Variants in KIT observed in about 807,000 individuals in gnomAD.
KIT encodes the protein KIT proto-oncogene, receptor tyrosine kinase.
In KIT, 16 loss-of-function variants were observed where a neutral mutation model predicts 105.7. That is an observed-to-expected ratio of 0.15 (90% CI 0.10 to 0.23). The LOEUF is 0.23. Among genes scored for constraint, KIT ranks in the 10% least tolerant of loss-of-function variants. The pLI is 1.00. For synonymous variants in KIT, 438 were observed against 441.1 expected, an observed-to-expected ratio of 0.99 and a Z score of 0.09; for missense variants, 858 against 1,213.8, an observed-to-expected ratio of 0.71 and a Z score of 4.36.
intron 1 of KIT, among the ~76,000 whole-genome samples, chr4:54,685,363 C>G (rs1353871759): frequency 1.3e-5 from 2 of 152,174 alleles, no homozygotes; most frequent in African/African-American, 4.8e-5. Context: ...TATTGGCACC[C>G]CATCTCCCCA....
Position 54,738,941 on chromosome 4 carries a change from A to C in KIT, c.*384A>C. 1 of 556,022 alleles carries C rather than the reference A, an allele frequency of 1.8e-6. No individual in the cohort carries two copies. Among genetic ancestry groups the C allele is most frequent in the Non-Finnish European group, 3.2e-6 (1 of 316,706 alleles). The allele number at this position is 556,022 out of a possible 1,614,324, so 34.4% of individuals were successfully genotyped here. A position where few individuals can be genotyped will look rare whatever the true frequency, so the allele number is the denominator to read the frequency against. On this transcript the variant is annotated 3_prime_UTR_variant, in exon 21 of 21. Transcript: ENST00000288135. ...ACAGTTGGCCTTCAGAACCATCCAT[A>C]GTAGTATGATGATACAAGATTAGAA... is the stretch of plus-strand genomic sequence containing the variant.
Position 54,723,674 on chromosome 4 carries a change from A to C in KIT, c.1322A>C (p.Tyr441Ser). Reference protein sequence around the residue: ...AGFPEPTIDWYFCPGTEQRCS... With the variant: ...AGFPEPTIDWSFCPGTEQRCS... ...TTCCCAGAGCCCACAATAGATTGGT[A>C]TTTTTGTCCAGGAACTGAGCAGAGG... Residue 441 changes from tyrosine (Y) to serine (S), a missense_variant, in exon 8 of 21, where the codon TAT (tyrosine) becomes TCT (serine). Tyr to Ser is a moderately radical substitution (Grantham distance 144). This residue lies in a region of KIT where 401 missense variants were observed against 601.0 expected (regional missense o/e 0.67). Coordinates refer to ENST00000288135, the MANE Select transcript of KIT (RefSeq NM_000222.3). 1 of 1,613,064 alleles carries C rather than the reference A, an allele frequency of 6.2e-7. No homozygotes were observed. The highest frequency in any genetic ancestry group is 8.5e-7 in the Non-Finnish European group (1 of 1,179,114).
chr4:54,696,285 A>G (rs563930186), intron 2 of KIT, among the ~76,000 whole-genome samples: 1 of 152,338 alleles, frequency 6.6e-6, no homozygotes, highest in South Asian at 2.1e-4. Flanking sequence ...TGTCCATAGA[A>G]AAAAATGTGA....
At chr4:54,687,866 C>G (rs1169728571) in intron 1 of KIT, among the ~76,000 whole-genome samples, 1 of 152,184 alleles carries the variant, frequency 6.6e-6, no homozygotes, top group African/African-American at 2.4e-5. Flanking sequence ...CGTGTGTCAC[C>G]TCTTGATGTT....
At position 54,738,451 on chromosome 4, in the gene KIT, G is replaced by T; in HGVS notation, c.2825G>T (p.Cys942Phe). 1.2e-6 allele frequency: 2 copies of T among 1,613,998 alleles called. No individual in the cohort carries two copies. The highest frequency in any genetic ancestry group is 1.1e-5 in the South Asian group (1 of 91,072). Residue 942 changes from cysteine to phenylalanine, a missense_variant, in exon 21 of 21, where the codon TGC becomes TTC. Around this residue, in one of 7 missense-constraint regions of KIT, gnomAD observed 105 missense variants for 103.5 expected, o/e 1.01. Transcript: ENST00000288135. ...CAGATTTACTCCAACTTAGCAAACT[G>T]CAGCCCCAACCGACAGAAGCCCGTG... ...TNHIYSNLAN[C>F]SPNRQKPVVD...
At chr4:54,713,061 A>ATT (rs146978855) in intron 7 of KIT, among the ~76,000 whole-genome samples, 5 of 151,396 alleles carry the variant, frequency 3.3e-5, no homozygotes, top group Admixed American at 6.6e-5. Context: ...TGATTTGTTG[A>ATT]TTTTTTTTAA....
rs1374100918 is a variant in KIT, at chr4:54,728,083, T to G, written c.1952T>G (p.Met651Arg). 1.2e-6 allele frequency: 2 copies of G among 1,613,644 alleles called. No individual in the cohort carries two copies. The highest frequency in any genetic ancestry group is 1.7e-6 in the Non-Finnish European group (2 of 1,179,582). Residue 651 changes from methionine to arginine, a missense_variant, in exon 13 of 21, where the codon ATG becomes AGG. Transcript: ENST00000288135. Reference sequence around the variant, plus strand: ...GTCCTGAGTTACCTTGGTAATCACATGAATATTGTGAATCTACTTGGAGCC... The same window carrying G: ...GTCCTGAGTTACCTTGGTAATCACAGGAATATTGTGAATCTACTTGGAGCC... ...LKVLSYLGNHMNIVNLLGACT... is the reference protein window; with the variant it reads ...LKVLSYLGNHRNIVNLLGACT...
At chr4:54,727,369 G>A (rs2109775044) in intron 10 of KIT, 45 bp downstream of exon 10, 1 of 1,613,894 alleles carries the variant, frequency 6.2e-7, no homozygotes, top group African/African-American at 1.3e-5. Context: ...TAATGACTGA[G>A]ACAATAATTA....
In KIT at chr4:54,738,532, C is replaced by T. The variant is rs1560426544; in HGVS notation, c.2906C>T (p.Pro969Leu). ...GGCAGCACCGCTTCCTCCTCCCAGCCTCTGCTTGTGCACGACGATGTCTGA... is the reference window on the plus strand; with the variant it reads ...GGCAGCACCGCTTCCTCCTCCCAGCTTCTGCTTGTGCACGACGATGTCTGA... ...SVGSTASSSQ[P>L]LLVHDDV Residue 969 changes from proline to leucine, a missense_variant, in exon 21 of 21, where the codon CCT becomes CTT. By Grantham distance (98) the Pro-to-Leu change is moderately conservative. Around this residue, in one of 7 missense-constraint regions of KIT, gnomAD observed 105 missense variants for 103.5 expected, o/e 1.01. Transcript: ENST00000288135. The T allele has an allele frequency of 6.2e-7, 1 of 1,614,126 alleles. No individual in the cohort carries two copies. Among genetic ancestry groups the T allele is most frequent in the Admixed American group, 1.7e-5 (1 of 60,028 alleles).
Position 54,715,971 on chromosome 4 carries a change from A to G in KIT, c.1231+6432A>G, listed in dbSNP as rs151217530. 6.4e-3 allele frequency among the ~76,000 whole-genome samples: 973 copies of G among 152,250 alleles called. 13 individuals are homozygous for G. Among genetic ancestry groups the G allele is most frequent in the African/African-American group, 0.022 (921 of 41,558 alleles). On this transcript the variant is annotated intron_variant, in intron 7 of 20. Coordinates refer to ENST00000288135, the MANE Select transcript of KIT (RefSeq NM_000222.3). The stretch of plus-strand genomic sequence containing the variant: ...ACAGAGCAAAGTTACTAGAACTTCA[A>G]CTTTTTTGGAAGATGGCAATGTCTT...
Position 54,699,705 on chromosome 4 carries a change from C to T in KIT, c.695C>T (p.Thr232Met), listed in dbSNP as rs767174569. ...AGGGAAGGGGAAGAATTCACAGTGACGTGCACAATAAAAGATGTGTCTAGT... is the reference window on the plus strand; with the variant it reads ...AGGGAAGGGGAAGAATTCACAGTGATGTGCACAATAAAAGATGTGTCTAGT... ...LLREGEEFTV[T>M]CTIKDVSSSV... The change falls in exon 4 of 21, where the codon ACG becomes ATG. Residue 232 changes from threonine (T) to methionine (M), a missense_variant. By Grantham distance (81) the Thr-to-Met change is moderately conservative. Coordinates refer to ENST00000288135, the MANE Select transcript of KIT (RefSeq NM_000222.3). 2.0e-5 allele frequency: 33 copies of T among 1,613,694 alleles called. No homozygotes were observed. In the South Asian group the frequency reaches 2.4e-4, roughly 12 times the overall value.
intron 20 of KIT, among the ~76,000 whole-genome samples, chr4:54,737,965 T>G (rs548031944): frequency 6.6e-6 from 1 of 152,328 alleles, no homozygotes; most frequent in South Asian, 2.1e-4. Flanking sequence ...ACTGATAATT[T>G]TTGGGTTAAA....
At chr4:54,694,794 A>G (rs1719942513) in intron 1 of KIT, among the ~76,000 whole-genome samples, 2 of 152,206 alleles carry the variant, frequency 1.3e-5, no homozygotes, top group Non-Finnish European at 2.9e-5. Context: ...ATGAATAGGT[A>G]TTTGAATACA....
intron 6 of KIT, among the ~76,000 whole-genome samples, chr4:54,708,128 G>A (rs1720907197): frequency 6.6e-6 from 1 of 152,168 alleles, no homozygotes; most frequent in South Asian, 2.1e-4. Flanking sequence ...AGGAGTTGAA[G>A]ATGCCTTTAG....
chr4:54,685,124 C>T (rs753908415), intron 1 of KIT, among the ~76,000 whole-genome samples: 14 of 152,202 alleles, frequency 9.2e-5, no homozygotes, highest in Non-Finnish European at 1.6e-4. Flanking sequence ...TCATCTCTAT[C>T]CTACTTCAGC....
rs1002411463 is a variant in KIT at position 54,739,003 on chromosome 4, A to C, written c.*446A>C. The C allele has an allele frequency of 2.0e-6, 1 of 496,030 alleles. No individual in the cohort carries two copies. Among genetic ancestry groups the C allele is most frequent in the Non-Finnish European group, 3.5e-6 (1 of 284,790 alleles). 30.7% of individuals were successfully genotyped at this position (496,030 alleles called of 1,614,324 possible). On this transcript the variant is annotated 3_prime_UTR_variant, in exon 21 of 21. Coordinates refer to ENST00000288135, the MANE Select transcript of KIT (RefSeq NM_000222.3). The stretch of plus-strand genomic sequence containing the variant: ...AAGTCCTTTATGTGGAAAACAGAAC[A>C]TCATTAGAACAAAGGACAGAGTATG...
Position 54,731,346 on chromosome 4 carries a change from G to A in KIT, c.2160G>A (p.Glu720=), listed in dbSNP as rs372359131. 24 of 1,613,004 alleles carry A rather than the reference G, an allele frequency of 1.5e-5. No homozygotes were observed. Among genetic ancestry groups the A allele is most frequent in the Non-Finnish European group, 2.0e-5 (23 of 1,179,230 alleles). The part of the protein sequence containing the change: ...KESSCSDSTN[E]YMDMKPGVSY... ...CTCCCAGCAGCGATAGTACTAATGA[G>A]TACATGGACATGAAACCTGGAGTTT... Residue 720 remains glutamate (E), a synonymous_variant, in exon 15 of 21, where the codon GAG becomes GAA. Transcript: ENST00000288135.
chr4:54,732,088 GA>G (rs1722647172), intron 16 of KIT, 90 bp downstream of exon 16: 1 of 1,339,522 alleles, frequency 7.5e-7, no homozygotes, highest in African/African-American at 1.7e-5. Context: ...GAGCATTTTA[GA>G]GCCATAGTTA....
rs72549287 is a variant in KIT, at chr4:54,726,114, T to C, written c.1540+64T>C. ...GCTCTGTCTACCATATCAGTCATGATTTTAAGTTCATTCCAACATTGACCA... is the reference window on the plus strand; with the variant it reads ...GCTCTGTCTACCATATCAGTCATGACTTTAAGTTCATTCCAACATTGACCA... On this transcript the variant is annotated intron_variant, in intron 9 of 20. Transcript: ENST00000288135. 1.4e-4 allele frequency: 181 copies of C among 1,336,828 alleles called. No individual in the cohort carries two copies. In the African/African-American group the frequency reaches 2.3e-3, roughly 17 times the overall value. 82.8% of individuals were successfully genotyped at this position (1,336,828 alleles called of 1,614,324 possible).
Sources: allele counts gnomAD v4.1 joint callset (sites outside exome capture counted in the v4.1 genomes callset), GRCh38; gene constraint gnomAD v4.1.1; regional missense constraint gnomAD v4.1.1; transcripts MANE v1.5; gene names NCBI Gene and HGNC (gene_info 2026-07-23, HGNC 2026-07-21).